TRABD: variants seen among roughly 807,000 people sequenced by gnomAD.
TRABD encodes TraB domain containing.
Under a neutral mutation model 39.6 loss-of-function variants are expected in TRABD, and 23 were observed. That is an observed-to-expected ratio of 0.58 (90% CI 0.42 to 0.82). The LOEUF (loss-of-function observed/expected upper bound fraction) is 0.82. Ranked by LOEUF, TRABD falls within the 40% of genes least tolerant of loss-of-function variation. TRABD has a pLI of 0.00. For synonymous variants in TRABD, 243 were observed against 232.1 expected, an observed-to-expected ratio of 1.05 and a Z score of -0.43; for missense variants, 487 against 544.9, an observed-to-expected ratio of 0.89 and a Z score of 1.06.
chr22:50,193,410 G>A (rs1270021809), intron 2 of TRABD, among the ~76,000 whole-genome samples, 166 bp from the exon 3 acceptor site: 10 of 152,064 alleles, frequency 6.6e-5, no homozygotes, highest in Admixed American at 1.3e-4. Flanking sequence ...TCCCTTTCCC[G>A]GGTACGTGGT....
At position 50,198,578 on chromosome 22, in the gene TRABD, G is replaced by A; in HGVS notation, c.*59G>A. On this transcript the variant is annotated 3_prime_UTR_variant, in exon 10 of 10. Coordinates refer to ENST00000380909, the MANE Select transcript of TRABD (RefSeq NM_001320485.2). The surrounding 1 kb of genome is among the most constrained non-coding windows in gnomAD (Gnocchi z 7.9). ...AGCCAGTGCCCCCGCGGCACTTCTG[G>A]GTGCCAGGTGCATCCTAGCCCGCCC... 1.4e-6 allele frequency: 2 copies of A among 1,435,458 alleles called. No homozygotes were observed. Among genetic ancestry groups the A allele is most frequent in the South Asian group, 1.4e-5 (1 of 69,736 alleles). The allele number at this position is 1,435,458 out of a possible 1,614,324, so 88.9% of individuals were successfully genotyped here.
chr22:50,199,195 G>T lies in TRABD; in HGVS notation c.*676G>T. On this transcript the variant is annotated 3_prime_UTR_variant, in exon 10 of 10. Coordinates refer to ENST00000380909, the MANE Select transcript of TRABD (RefSeq NM_001320485.2). ...GAATTCGTGTTCTTGGGTCTGTCCCGAGTGGGCTCGCGTGCAGCCAAACAT... is the reference window on the plus strand; with the variant it reads ...GAATTCGTGTTCTTGGGTCTGTCCCTAGTGGGCTCGCGTGCAGCCAAACAT... 1.4e-6 allele frequency: 1 copy of T among 708,926 alleles called. No homozygotes were observed. Among genetic ancestry groups the T allele is most frequent in the East Asian group, 2.7e-5 (1 of 37,100 alleles). 43.9% of individuals were successfully genotyped at this position (708,926 alleles called of 1,614,324 possible). A position where few individuals can be genotyped will look rare whatever the true frequency, so the allele number is the denominator to read the frequency against.
Position 50,193,619 on chromosome 22 carries a change from T to C in TRABD, c.77T>C (p.Val26Ala). The change falls in exon 3 of 10, where the codon GTG becomes GCG. Residue 26 changes from valine (V) to alanine (A), a missense_variant. This residue lies in a region of TRABD where 358 missense variants were observed against 414.7 expected (regional missense o/e 0.86). Coordinates refer to ENST00000380909, the MANE Select transcript of TRABD (RefSeq NM_001320485.2). The stretch of plus-strand genomic sequence containing the variant: ...GTGCCGTCAGAGGCTTCAGAGCCGG[T>C]GCCCAGGGTGCTTTCTGGAGACCCC... ...PVVPSEASEPVPRVLSGDPQN... is the reference protein window; with the variant it reads ...PVVPSEASEPAPRVLSGDPQN... 1 of 1,613,794 alleles carries C rather than the reference T, an allele frequency of 6.2e-7. No individual in the cohort carries two copies. The highest frequency in any genetic ancestry group is 8.5e-7 in the Non-Finnish European group (1 of 1,179,964).
At chr22:50,195,917 G>C (rs2064086809) in intron 5 of TRABD, among the ~76,000 whole-genome samples, 3 of 152,210 alleles carry the variant, frequency 2.0e-5, no homozygotes, top group Non-Finnish European at 4.4e-5. Context: ...TTCTCCAGAT[G>C]AGGCAAGTCA....
rs1210682375 is a variant in TRABD at position 50,198,408 on chromosome 22, C to T, written c.1020C>T (p.Gly340=). The part of the protein sequence containing the change: ...SRLAVKAAFF[G]LLGYSLYWMG... ...TGGCCGTGAAGGCCGCCTTCTTCGG[C>T]CTGCTGGGCTACAGCCTGTACTGGA... Residue 340 remains glycine (G), a synonymous_variant, in exon 10 of 10, where the codon GGC becomes GGT. Transcript: ENST00000380909. This position sits in a 1 kb window ranked among gnomAD's most constrained non-coding sequence, Gnocchi z 7.9. 2.5e-6 allele frequency: 4 copies of T among 1,596,390 alleles called. No homozygotes were observed. Among genetic ancestry groups the T allele is most frequent in the Non-Finnish European group, 3.4e-6 (4 of 1,177,048 alleles).
chr22:50,188,947 CTGT>C (rs1409790989), intron 1 of TRABD, among the ~76,000 whole-genome samples: 7 of 152,360 alleles, frequency 4.6e-5, no homozygotes, highest in African/African-American at 1.7e-4. Context: ...CCTCCTGGGG[CTGT>C]TGGGAATTCT....
chr22:50,198,368 G>T lies in TRABD; in HGVS notation c.980G>T (p.Gly327Val). Residue 327 changes from glycine (G) to valine (V), a missense_variant, in exon 10 of 10, where the codon GGC becomes GTC. This residue lies in a region of TRABD where 123 missense variants were observed against 108.3 expected (regional missense o/e 1.14). Coordinates refer to ENST00000380909, the MANE Select transcript of TRABD (RefSeq NM_001320485.2). The surrounding 1 kb of genome is among the most constrained non-coding windows in gnomAD (Gnocchi z 7.9). ...AGCGTGCCCCCGCCGTCCGTCTCCG[G>T]CAGAGTGTCTCGGTTGGCCGTGAAG... ...IMTVPPPSVS[G>V]RVSRLAVKAA... 1 of 1,585,754 alleles carries T rather than the reference G, an allele frequency of 6.3e-7. No individual in the cohort carries two copies.
At chr22:50,186,084 G>A (rs1323443005) in intron 1 of TRABD, 108 bp downstream of exon 1, 4 of 124,302 alleles carry the variant, frequency 3.2e-5, no homozygotes, top group Non-Finnish European at 7.0e-5. Flanking sequence ...CGGGGGGAGC[G>A]AGCCCGAGTC....
chr22:50,187,043 G>A (rs544594591), intron 1 of TRABD, among the ~76,000 whole-genome samples: 2 of 152,360 alleles, frequency 1.3e-5, no homozygotes, highest in East Asian at 3.9e-4. Flanking sequence ...TCACTGCGCT[G>A]TGTGTCTCTG....
chr22:50,190,387 A>G (rs1487665083), intron 1 of TRABD, among the ~76,000 whole-genome samples: 1 of 152,136 alleles, frequency 6.6e-6, no homozygotes, highest in African/African-American at 2.4e-5. Context: ...CTGCTGCTGC[A>G]CCGAGACCCT....
intron 3 of TRABD, 92 bp downstream of exon 3, chr22:50,193,746 G>A (rs2063992314): frequency 7.7e-7 from 1 of 1,295,110 alleles, no homozygotes; most frequent in Admixed American, 1.7e-5. Context: ...CCAGGGGCTT[G>A]GAGCTTGTGG....
At position 50,199,283 on chromosome 22, in the gene TRABD, G is replaced by C; in HGVS notation, c.*764G>C. The C allele has an allele frequency of 1.7e-6, 1 of 595,886 alleles. No homozygotes were observed. The highest frequency in any genetic ancestry group is 3.1e-4 in the Middle Eastern group (1 of 3,202). The allele number at this position is 595,886 out of a possible 1,614,324, so 36.9% of individuals were successfully genotyped here. A position where few individuals can be genotyped will look rare whatever the true frequency, so the allele number is the denominator to read the frequency against. ...GTGTCCTGAGCCCCCGGAGCGAAGG[G>C]GTGCCTGGGGCATCTTGGCCCTCTC... On this transcript the variant is annotated 3_prime_UTR_variant, in exon 10 of 10. Transcript: ENST00000380909.
rs1266156752 is a variant in TRABD at position 50,199,547 on chromosome 22, A to G, written c.*1028A>G. The G allele has an allele frequency of 6.0e-6, 1 of 167,452 alleles. No homozygotes were observed. Among genetic ancestry groups the G allele is most frequent in the South Asian group, 1.9e-4 (1 of 5,226 alleles). The allele number at this position is 167,452 out of a possible 1,614,324, so 10.4% of individuals were successfully genotyped here. A position where few individuals can be genotyped will look rare whatever the true frequency, so the allele number is the denominator to read the frequency against. On this transcript the variant is annotated 3_prime_UTR_variant, in exon 10 of 10. Transcript: ENST00000380909. ...GAGCCGGCTGTGTCCTTCCTGCCAC[A>G]CTCGGGGATTCATTCCTTAGAAACT...
Position 50,198,283 on chromosome 22 carries a change from A to T in TRABD, c.957-62A>T, listed in dbSNP as rs2064197913. On this transcript the variant is annotated intron_variant, in intron 9 of 9. Coordinates refer to ENST00000380909, the MANE Select transcript of TRABD (RefSeq NM_001320485.2). The surrounding 1 kb of genome is among the most constrained non-coding windows in gnomAD (Gnocchi z 7.9). ...AACCACATGCGGCAGTGACCCAGGC[A>T]TGGGGGCTGGGGTATGGGGAGCCCA... The T allele has an allele frequency of 4.0e-6, 6 of 1,507,058 alleles. No individual in the cohort carries two copies. The highest frequency in any genetic ancestry group is 5.4e-6 in the Non-Finnish European group (6 of 1,111,262). 93.4% of individuals were successfully genotyped at this position (1,507,058 alleles called of 1,614,324 possible).
chr22:50,198,988 G>T lies in TRABD; in HGVS notation c.*469G>T. The T allele has an allele frequency of 3.1e-6, 2 of 635,348 alleles. No individual in the cohort carries two copies. Among genetic ancestry groups the T allele is most frequent in the South Asian group, 3.6e-5 (2 of 56,276 alleles). 39.4% of individuals were successfully genotyped at this position (635,348 alleles called of 1,614,324 possible). A position where few individuals can be genotyped will look rare whatever the true frequency, so the allele number is the denominator to read the frequency against. On this transcript the variant is annotated 3_prime_UTR_variant, in exon 10 of 10. Coordinates refer to ENST00000380909, the MANE Select transcript of TRABD (RefSeq NM_001320485.2). The surrounding 1 kb of genome is among the most constrained non-coding windows in gnomAD (Gnocchi z 7.9). The stretch of plus-strand genomic sequence containing the variant: ...AAGGCCCAGCCCTGGAGCTCCAGCC[G>T]ACCCCACCGTGCCCCTGGCATCCTG...
intron 1 of TRABD, among the ~76,000 whole-genome samples, chr22:50,186,393 C>T (rs1487963601): frequency 4.6e-5 from 7 of 151,776 alleles, no homozygotes; most frequent in African/African-American, 1.7e-4. Context: ...AGGTTTGGGG[C>T]GGGAGCAGGC....
intron 1 of TRABD, among the ~76,000 whole-genome samples, chr22:50,189,275 G>A (rs5771217): frequency 3.9e-5 from 6 of 152,076 alleles, no homozygotes; most frequent in African/African-American, 1.4e-4. Flanking sequence ...GCAGGTTCCC[G>A]CCTTAAACGG....
At chr22:50,186,101 T>TGGGGGCCGGGGGC (rs2063747491) in intron 1 of TRABD, 125 bp downstream of exon 1, 1 of 4,520 alleles carries the variant, frequency 2.2e-4, no homozygotes, top group Admixed American at 1.7e-3. Context: ...AGTCGGGGGG[T>TGGGGGCCGGGGGC]GGGGGCCGGG....
chr22:50,196,421 G>C (rs1033708699), intron 5 of TRABD, among the ~76,000 whole-genome samples: 5 of 152,240 alleles, frequency 3.3e-5, no homozygotes, highest in African/African-American at 1.2e-4. Context: ...CCGGCGCTGT[G>C]TGGCCCCCGG....
Sources: gnomAD v4.1 joint callset for allele counts (sites outside exome capture counted in the v4.1 genomes callset) on GRCh38, gnomAD v4.1.1 for gene constraint, gnomAD v4.1.1 regional missense constraint, Gnocchi (gnomAD v3.1) non-coding constraint, MANE v1.5 for transcripts, NCBI Gene and HGNC (gene_info 2026-07-23, HGNC 2026-07-21) for gene names.